The following PCGF5 variants were observed in gnomAD, a reference collection of about 807,000 sequenced individuals.
PCGF5 encodes the protein polycomb group RING finger protein 5.
PCGF5 carries 9 observed loss-of-function variants against 44.3 expected under a neutral mutation model. The ratio of observed to expected loss-of-function variants is 0.20; its 90% confidence interval spans 0.12 to 0.35. PCGF5 has a LOEUF of 0.35. PCGF5 is among the 10% of genes least tolerant of loss of function. The pLI is 1.00. For synonymous variants in PCGF5, 95 were observed against 102.5 expected (o/e 0.93, Z 0.44); for missense variants, 146 against 305.3 (o/e 0.48, Z 3.89).
intron 7 of PCGF5, among the ~76,000 whole-genome samples, chr10:91,262,153 G>C (rs1418375341): frequency 6.6e-6 from 1 of 152,168 alleles, no homozygotes; most frequent in Non-Finnish European, 1.5e-5. Context: ...GGCCAGGCGT[G>C]GTGGCTTATG....
intron 8 of PCGF5, among the ~76,000 whole-genome samples, chr10:91,266,138 T>C (rs1846044640): frequency 6.6e-6 from 1 of 152,214 alleles, no homozygotes; most frequent in African/African-American, 2.4e-5. Context: ...ATGGATATTA[T>C]GATATTACAC....
At chr10:91,218,216 T>A (rs1299647604), upstream of PCGF5, among the ~76,000 whole-genome samples, 5 of 152,246 alleles carry the variant, frequency 3.3e-5, no homozygotes, top group Non-Finnish European at 7.4e-5. Context: ...TCTGTAATTA[T>A]GAATTCACCA....
chr10:91,167,681 C>T (rs1021905811), intron 1 of PCGF5, among the ~76,000 whole-genome samples: 1 of 152,108 alleles, frequency 6.6e-6, no homozygotes, highest in Non-Finnish European at 1.5e-5. Context: ...ATCTTGAATG[C>T]TGGGCTAAGG....
intron 2 of PCGF5, chr10:91,228,095 T>C (rs1305112396): frequency 7.1e-6 from 2 of 282,444 alleles, no homozygotes; most frequent in Non-Finnish European, 1.1e-5. Flanking sequence ...TTTGGGGTCT[T>C]AGGGAGAGGG....
intron 6 of PCGF5, among the ~76,000 whole-genome samples, chr10:91,254,203 C>CGTGTGTGTGTGTGTGTGT (rs148669111): frequency 1.6e-4 from 23 of 147,942 alleles, no homozygotes; most frequent in African/African-American, 5.0e-4. Flanking sequence ...CCCTCCACCT[C>CGTGTGTGTGTGTGTGTGT]GTGTGTGTGT....
intron 2 of PCGF5, among the ~76,000 whole-genome samples, chr10:91,233,126 G>A (rs1845056552): frequency 2.0e-5 from 3 of 152,176 alleles, no homozygotes; most frequent in Admixed American, 2.0e-4. Flanking sequence ...GGGTATGTGT[G>A]AGGAATTGAT....
chr10:91,250,497 C>CTT (rs56288334), intron 5 of PCGF5, among the ~76,000 whole-genome samples: 16,014 of 131,990 alleles, frequency 0.12, 1,821 homozygotes, highest in African/African-American at 0.3. Flanking sequence ...CTGGTTTTTT[C>CTT]TTTTTTTTTT....
chr10:91,275,440 A>AT (rs1411679637), intron 9 of PCGF5, among the ~76,000 whole-genome samples: 6 of 135,938 alleles, frequency 4.4e-5, no homozygotes, highest in African/African-American at 1.2e-4. Context: ...ATAAAACTAC[A>AT]TTTTATTTTT....
chr10:91,177,732 G>A lies in PCGF5; in HGVS notation c.-184+14651G>A, dbSNP rs148354935. 9.7e-3 allele frequency among the ~76,000 whole-genome samples: 1,478 copies of A among 152,318 alleles called. 49 individuals are homozygous for A. The highest frequency in any genetic ancestry group is 0.083 in the East Asian group (432 of 5,176). On this transcript the variant is annotated intron_variant, in intron 1 of 9. Coordinates refer to the PCGF5 transcript ENST00000614189. ...GGTGCAGGATATAATCTCCTGGTGC[G>A]CCATTTGCTAAGACCGTCGGAAAAG...
In PCGF5 at chr10:91,180,031, A is replaced by G. The variant is rs138050803; in HGVS notation, c.-184+16950A>G. On this transcript the variant is annotated intron_variant, in intron 1 of 9. Transcript: ENST00000614189. ...ACCTATTTTTTTTTACTTTTTAATA[A>G]TAGCCATTCTGACTGGTGTGAGATG... 5.3e-3 allele frequency among the ~76,000 whole-genome samples: 810 copies of G among 152,202 alleles called. 11 individuals carry two copies. Among genetic ancestry groups the G allele is most frequent in the African/African-American group, 0.018 (751 of 41,524 alleles).
At chr10:91,268,138 A>C (rs1195117869) in intron 8 of PCGF5, among the ~76,000 whole-genome samples, 1 of 151,870 alleles carries the variant, frequency 6.6e-6, no homozygotes, top group African/African-American at 2.4e-5. Flanking sequence ...GTTCCTAGAC[A>C]TTGTTTTGTT....
intron 2 of PCGF5, among the ~76,000 whole-genome samples, chr10:91,224,280 T>C (rs1007580971): frequency 4.6e-5 from 7 of 152,198 alleles, no homozygotes; most frequent in Non-Finnish European, 1.0e-4. Context: ...GCACATCTTA[T>C]TCAATTAGCA....
Position 91,278,160 on chromosome 10 carries a change from C to T in PCGF5, c.724-109C>T, listed in dbSNP as rs187278345. The T allele has an allele frequency of 4.1e-4, 358 of 877,616 alleles. 1 individual carries two copies. In the African/African-American group the frequency reaches 5.7e-3, roughly 14 times the overall value. 54.4% of individuals were successfully genotyped at this position (877,616 alleles called of 1,614,324 possible). Reference sequence around the variant, plus strand: ...ATTTTAACTGTTGTAATCACTAGTACCAGGAAATACTGTAAATTATAACTC... The same window carrying T: ...ATTTTAACTGTTGTAATCACTAGTATCAGGAAATACTGTAAATTATAACTC... On this transcript the variant is annotated intron_variant, in intron 9 of 9. Transcript: ENST00000336126.
At chr10:91,162,435 C>A (rs889842004), upstream of PCGF5, among the ~76,000 whole-genome samples, 1 of 152,108 alleles carries the variant, frequency 6.6e-6, no homozygotes, top group Non-Finnish European at 1.5e-5. Flanking sequence ...GCCAGGGAGG[C>A]ATACTGACAT....
chr10:91,232,080 A>T (rs1396557670), intron 2 of PCGF5, among the ~76,000 whole-genome samples: 1 of 152,208 alleles, frequency 6.6e-6, no homozygotes, highest in Non-Finnish European at 1.5e-5. Flanking sequence ...TAAAAGGAGA[A>T]ATCAGTGAGA....
chr10:91,223,537 C>A (rs949281200), intron 2 of PCGF5, among the ~76,000 whole-genome samples: 105 of 152,278 alleles, frequency 6.9e-4, no homozygotes, highest in African/African-American at 2.4e-3. Context: ...AATCACTGTT[C>A]TAGTAGTAGT....
intron 1 of PCGF5, among the ~76,000 whole-genome samples, chr10:91,222,120 G>A: frequency 6.6e-6 from 1 of 152,162 alleles, no homozygotes; most frequent in Non-Finnish European, 1.5e-5. Flanking sequence ...TTTTCTGTTT[G>A]TAAAGAGAAG....
At chr10:91,270,027 GTGTC>G (rs1348836572) in intron 8 of PCGF5, among the ~76,000 whole-genome samples, 14 of 152,200 alleles carry the variant, frequency 9.2e-5, no homozygotes, top group African/African-American at 3.4e-4. Flanking sequence ...GTTTAGCAGA[GTGTC>G]TGACATAAAT....
chr10:91,237,612 T>C (rs951233696), intron 2 of PCGF5, among the ~76,000 whole-genome samples: 5 of 152,054 alleles, frequency 3.3e-5, no homozygotes, highest in African/African-American at 4.8e-5. Context: ...GGCATGGTGA[T>C]GGGCACCTGT....
Sources: gnomAD v4.1 joint callset for allele counts (sites outside exome capture counted in the v4.1 genomes callset) on GRCh38, gnomAD v4.1.1 for gene constraint, MANE v1.5 for transcripts, NCBI Gene and HGNC (gene_info 2026-07-23, HGNC 2026-07-21) for gene names.